GREB1: variants seen among roughly 807,000 people sequenced by gnomAD.
GREB1 encodes the protein protein GREB1.
GREB1 carries 106 observed loss-of-function variants against 200.7 expected under a neutral mutation model. The ratio of observed to expected loss-of-function variants is 0.53; its 90% CI spans 0.45 to 0.62. The LOEUF is 0.62. GREB1 is among the 20% of genes least tolerant of loss of function. The probability of loss-of-function intolerance (pLI) is 0.00; values close to 1 mark genes in which losing one functional copy is unlikely to be tolerated. For synonymous variants in GREB1, 1,132 were observed against 1,092.4 expected, an observed-to-expected ratio of 1.04 and a Z score of -0.72; for missense variants, 2,243 against 2,556.8, an observed-to-expected ratio of 0.88 and a Z score of 2.65.
At chr2:11,601,759 G>A (rs1333857640) in intron 16 of GREB1, among the ~76,000 whole-genome samples, 2 of 152,236 alleles carry the variant, frequency 1.3e-5, no homozygotes, top group South Asian at 2.1e-4. Flanking sequence ...CAAGAGGCAG[G>A]TGCTAGGATG....
chr2:11,569,627 G>A (rs1485211000), intron 4 of GREB1, among the ~76,000 whole-genome samples: 8 of 152,238 alleles, frequency 5.3e-5, no homozygotes, highest in Non-Finnish European at 7.3e-5. Context: ...GAAACTGCAC[G>A]AAATAAGTTA....
At chr2:11,544,277 T>C (rs1675037396) in intron 1 of GREB1, among the ~76,000 whole-genome samples, 1 of 152,100 alleles carries the variant, frequency 6.6e-6, no homozygotes, top group African/African-American at 2.4e-5. Flanking sequence ...AGTGCGGTGG[T>C]GTGATCTCGG....
At chr2:11,602,699 C>G (rs908432125) in intron 17 of GREB1, among the ~76,000 whole-genome samples, 157 bp downstream of exon 17, 1 of 152,136 alleles carries the variant, frequency 6.6e-6, no homozygotes, top group East Asian at 1.9e-4. Flanking sequence ...TCCTTCTCCT[C>G]TATTTGAATC....
At chr2:11,552,380 G>A (rs1159045446) in intron 1 of GREB1, among the ~76,000 whole-genome samples, 1 of 152,220 alleles carries the variant, frequency 6.6e-6, no homozygotes, top group African/African-American at 2.4e-5. Flanking sequence ...AGAACGAGTG[G>A]TCAGGGCCAG....
chr2:11,542,280 G>A (rs1268795131), intron 1 of GREB1, among the ~76,000 whole-genome samples: 1 of 152,190 alleles, frequency 6.6e-6, no homozygotes, highest in East Asian at 1.9e-4. Context: ...AGCTGTCCAT[G>A]TGTGGCTTGG....
Position 11,620,768 on chromosome 2 carries a change from G to A in GREB1, c.4045-137G>A, listed in dbSNP as rs573616832. 39 of 602,238 alleles carry A rather than the reference G, an allele frequency of 6.5e-5. No homozygotes were observed. In the Admixed American group the frequency reaches 1.1e-3, roughly 16 times the overall value. 37.3% of individuals were successfully genotyped at this position (602,238 alleles called of 1,614,324 possible). On this transcript the variant is annotated intron_variant, in intron 22 of 32. Transcript: ENST00000381486. ...ACGCTTCTTCCCTTCAAATATCTTT[G>A]CATCCACAGGGTTCTCATTTTAAAG... is the stretch of plus-strand genomic sequence containing the variant.
Position 11,596,137 on chromosome 2 carries a change from A to G in GREB1, c.1852A>G (p.Lys618Glu). 2 of 1,613,864 alleles carry G rather than the reference A, an allele frequency of 1.2e-6. No individual in the cohort carries two copies. The highest frequency in any genetic ancestry group is 1.7e-6 in the Non-Finnish European group (2 of 1,179,786). The change falls in exon 13 of 33, where the codon AAA (lysine) becomes GAA (glutamate). Residue 618 changes from lysine to glutamate, a missense_variant. Lys to Glu is a moderately conservative substitution (Grantham distance 56). This residue lies in a region of GREB1 where 1,178 missense variants were observed against 1,387.4 expected (regional missense o/e 0.85). Coordinates refer to ENST00000381486, the MANE Select transcript of GREB1 (RefSeq NM_014668.4). Reference protein sequence around the residue: ...PEGDIDILLDKFHQENQGHIS... With the variant: ...PEGDIDILLDEFHQENQGHIS... The stretch of plus-strand genomic sequence containing the variant: ...GGGTGACATTGACATTTTGCTGGAC[A>G]AATTTCACCAGGAAAATCAAGGCCA...
intron 23 of GREB1, among the ~76,000 whole-genome samples, chr2:11,622,261 A>G (rs1684073409): frequency 6.6e-6 from 1 of 152,050 alleles, no homozygotes; most frequent in Non-Finnish European, 1.5e-5. Flanking sequence ...TTGTATTTTT[A>G]GTATAGACAG....
intron 26 of GREB1, 106 bp from the exon 27 acceptor site, chr2:11,631,803 G>T (rs1367182521): frequency 2.0e-5 from 17 of 843,968 alleles, no homozygotes; most frequent in Non-Finnish European, 3.1e-5. Context: ...AGCAGTGTAG[G>T]CATGGTCATC....
At chr2:11,536,584 G>A (rs1219907160) in intron 1 of GREB1, among the ~76,000 whole-genome samples, 1 of 152,172 alleles carries the variant, frequency 6.6e-6, no homozygotes, top group Non-Finnish European at 1.5e-5. Context: ...ATTTGGCCAG[G>A]GGTAGAAGAG....
At chr2:11,571,408 C>G (rs1270099947) in intron 4 of GREB1, among the ~76,000 whole-genome samples, 2 of 152,230 alleles carry the variant, frequency 1.3e-5, no homozygotes, top group Admixed American at 6.5e-5. Flanking sequence ...CTGCAGCACA[C>G]TGTGCTGGAA....
intron 1 of GREB1, among the ~76,000 whole-genome samples, chr2:11,521,605 G>A (rs1572584679): frequency 6.6e-6 from 1 of 152,102 alleles, no homozygotes; most frequent in Admixed American, 6.5e-5. Flanking sequence ...TACTCATCTT[G>A]TGCTCCTTAA....
At chr2:11,614,135 T>C (rs1683184502) in intron 19 of GREB1, among the ~76,000 whole-genome samples, 2 of 151,494 alleles carry the variant, frequency 1.3e-5, no homozygotes, top group Non-Finnish European at 3.0e-5. Flanking sequence ...ATTTTTTTTT[T>C]TTTTTTTTTG....
chr2:11,544,726 C>T (rs4668731), intron 1 of GREB1, among the ~76,000 whole-genome samples: 86,125 of 152,058 alleles, frequency 0.57, 25,374 homozygotes, highest in South Asian at 0.76. Flanking sequence ...CAACGCTGGC[C>T]GCCTGTCTGT....
chr2:11,592,506 TTAAAAA>T (rs1302878666), intron 10 of GREB1, among the ~76,000 whole-genome samples: 4 of 152,088 alleles, frequency 2.6e-5, no homozygotes, highest in Non-Finnish European at 4.4e-5. Flanking sequence ...ATGCTTAATC[TTAAAAA>T]TAAAGATAAA....
intron 9 of GREB1, chr2:11,587,961 C>T (rs993368145): frequency 1.0e-6 from 1 of 989,012 alleles, no homozygotes; most frequent in African/African-American, 1.7e-5. Context: ...CACGGTGGCT[C>T]ACGCCTGTAA....
At position 11,631,925 on chromosome 2, in the gene GREB1, A is replaced by T. The variant is rs1055912684; in HGVS notation, c.4628A>T (p.Lys1543Ile). 1 of 1,613,594 alleles carries T rather than the reference A, an allele frequency of 6.2e-7. No homozygotes were observed. The highest frequency in any genetic ancestry group is 1.7e-5 in the Admixed American group (1 of 59,990). ...LVTDKSHEYI[K>I]SPTFTPTTGR... ...ACTTTGCAGAGCCATGAATATATAAAAAGTCCGACATTCACTCCAACCACC... is the reference window on the plus strand; with the variant it reads ...ACTTTGCAGAGCCATGAATATATAATAAGTCCGACATTCACTCCAACCACC... The change falls in exon 27 of 33, where the codon AAA (lysine) becomes ATA (isoleucine). Residue 1543 changes from lysine to isoleucine, a missense_variant. Lys to Ile is a moderately radical substitution (Grantham distance 102). Coordinates refer to ENST00000381486, the MANE Select transcript of GREB1 (RefSeq NM_014668.4).
chr2:11,588,715 T>C (rs1440320718), intron 9 of GREB1, 31 bp from the exon 10 acceptor site: 2 of 1,604,182 alleles, frequency 1.2e-6, no homozygotes, highest in Non-Finnish European at 1.7e-6. Context: ...TGCACAAGAC[T>C]GGGTGCCAAG....
At chr2:11,494,028 C>T (rs1247843188) in intron 1 of GREB1, among the ~76,000 whole-genome samples, 1 of 152,222 alleles carries the variant, frequency 6.6e-6, no homozygotes, top group Non-Finnish European at 1.5e-5. Context: ...CAGGCTGCTT[C>T]ACCACTCCTT....
Sources: gnomAD v4.1 joint callset for allele counts (sites outside exome capture counted in the v4.1 genomes callset) on GRCh38, gnomAD v4.1.1 for gene constraint, gnomAD v4.1.1 regional missense constraint, MANE v1.5 for transcripts, NCBI Gene and HGNC (gene_info 2026-07-23, HGNC 2026-07-21) for gene names.